Variants in USO1 observed in about 807,000 individuals in gnomAD.
USO1 encodes USO1 vesicle transport factor.
Under a neutral mutation model 124.5 loss-of-function variants are expected in USO1, and 57 were observed. The ratio of observed to expected loss-of-function variants is 0.46; its 90% CI spans 0.37 to 0.57. USO1 has a LOEUF of 0.57. Ranked by LOEUF, USO1 falls within the 20% of genes least tolerant of loss-of-function variation. The probability of loss-of-function intolerance (pLI) is 0.00; values close to 1 mark genes in which losing one functional copy is unlikely to be tolerated. For missense variants in USO1, 900 were observed against 1,040.6 expected, an observed-to-expected ratio of 0.86 and a Z score of 1.86; for synonymous variants, 369 against 362.8, an observed-to-expected ratio of 1.02 and a Z score of -0.19.
chr4:75,780,639 A>ATTT (rs1722193984), intron 8 of USO1, among the ~76,000 whole-genome samples: 1 of 69,462 alleles, frequency 1.4e-5, no homozygotes, highest in Non-Finnish European at 2.9e-5. Flanking sequence ...ATAAATTTTG[A>ATTT]CTTTTTTTTT....
At chr4:75,795,283 GAC>G in intron 13 of USO1, 1 of 698,140 alleles carries the variant, frequency 1.4e-6, no homozygotes, top group Non-Finnish European at 2.6e-6. Flanking sequence ...TCCAGATTTA[GAC>G]TTTTCTAAAG....
intron 20 of USO1, among the ~76,000 whole-genome samples, chr4:75,808,605 G>A (rs775653355): frequency 6.6e-6 from 1 of 151,860 alleles, no homozygotes; most frequent in Admixed American, 6.6e-5. Context: ...AGTTATCACT[G>A]TTACTTGCTT....
At chr4:75,745,385 T>C (rs1269613506) in intron 1 of USO1, 1 of 516,252 alleles carries the variant, frequency 1.9e-6, no homozygotes, top group Admixed American at 2.0e-5. Context: ...TCACAGGGAC[T>C]GTATTACTAT....
Position 75,765,219 on chromosome 4 carries a change from T to C in USO1, c.296-5220T>C, listed in dbSNP as rs1293812056. ...GAGACAATTCTGAGAGAATATTACTTGTCTTTTGAACATAGATTTCTCATG... is the reference window on the plus strand; with the variant it reads ...GAGACAATTCTGAGAGAATATTACTCGTCTTTTGAACATAGATTTCTCATG... On this transcript the variant is annotated intron_variant, in intron 4 of 23. Transcript: ENST00000514213. Among the ~76,000 whole-genome samples the C allele has an allele frequency of 2.6e-5, 4 of 152,350 alleles. No individual in the cohort carries two copies. In the East Asian group the frequency reaches 7.7e-4, roughly 29 times the overall value.
chr4:75,755,533 G>A (rs1721415881), intron 3 of USO1: 1 of 514,370 alleles, frequency 1.9e-6, no homozygotes, highest in South Asian at 1.4e-5. Context: ...TAATCTCGTA[G>A]ACTCGTTTTC....
chr4:75,802,744 T>TTTTTTTTTTTTTTTTTTG, intron 17 of USO1, among the ~76,000 whole-genome samples: 1 of 137,582 alleles, frequency 7.3e-6, no homozygotes, highest in Non-Finnish European at 1.6e-5. Flanking sequence ...TTCTTTTTTT[T>TTTTTTTTTTTTTTTTTTG]TTTTTTTTTT....
chr4:75,731,883 G>A (rs1720642956), intron 1 of USO1, among the ~76,000 whole-genome samples: 1 of 152,018 alleles, frequency 6.6e-6, no homozygotes, highest in South Asian at 2.1e-4. Context: ...AAAAAATACT[G>A]CAAGCTGTAT....
chr4:75,749,323 C>A (rs534473760), intron 1 of USO1, among the ~76,000 whole-genome samples: 1 of 151,530 alleles, frequency 6.6e-6, no homozygotes, highest in African/African-American at 2.4e-5. Flanking sequence ...AATTCAGATA[C>A]GTAGGGTGCA....
chr4:75,754,826 T>C (rs1721392127), intron 3 of USO1, among the ~76,000 whole-genome samples: 1 of 152,244 alleles, frequency 6.6e-6, no homozygotes, highest in African/African-American at 2.4e-5. Context: ...GTGTTTGTTA[T>C]CTTTGGCCGT....
At chr4:75,783,710 T>C (rs571164025) in intron 9 of USO1, among the ~76,000 whole-genome samples, 12 of 152,126 alleles carry the variant, frequency 7.9e-5, no homozygotes, top group Non-Finnish European at 1.8e-4. Flanking sequence ...GACTGATAAT[T>C]AGGGTAATCT....
intron 3 of USO1, among the ~76,000 whole-genome samples, chr4:75,754,689 C>G (rs1721388669): frequency 6.6e-6 from 1 of 152,170 alleles, no homozygotes; most frequent in African/African-American, 2.4e-5. Flanking sequence ...GGAACTCATT[C>G]CTCTCCTGAA....
Position 75,774,764 on chromosome 4 carries a change from A to C in USO1, c.644A>C (p.Asp215Ala). The C allele has an allele frequency of 6.2e-7, 1 of 1,613,742 alleles. No individual in the cohort carries two copies. Among genetic ancestry groups the C allele is most frequent in the Non-Finnish European group, 8.5e-7 (1 of 1,179,726 alleles). Residue 215 changes from aspartate to alanine, a missense_variant, in exon 8 of 24, where the codon GAC becomes GCC. By Grantham distance (126) the Asp-to-Ala change is moderately radical. Transcript: ENST00000514213. The part of the protein sequence containing the change: ...AFENAFERLL[D>A]IISEEGNSDG... ...GAAAATGCTTTCGAGAGACTACTGG[A>C]CATTATTTCAGAGGAGGGGAACAGT...
intron 13 of USO1, among the ~76,000 whole-genome samples, chr4:75,794,712 C>T (rs977217447): frequency 6.6e-6 from 1 of 152,078 alleles, no homozygotes; most frequent in Non-Finnish European, 1.5e-5. Flanking sequence ...TGGTTGTGTC[C>T]TTCTTTAGTT....
intron 4 of USO1, among the ~76,000 whole-genome samples, chr4:75,767,958 C>A (rs1228874172): frequency 6.6e-6 from 1 of 152,068 alleles, no homozygotes; most frequent in Non-Finnish European, 1.5e-5. Context: ...AAATATTGTA[C>A]CTTCTAATAC....
intron 7 of USO1, among the ~76,000 whole-genome samples, chr4:75,772,560 A>G (rs1490914825): frequency 1.3e-5 from 2 of 152,138 alleles, no homozygotes; most frequent in South Asian, 4.1e-4. Context: ...TTTATTCTTT[A>G]ATATTTAAGT....
intron 4 of USO1, 126 bp from the exon 5 acceptor site, chr4:75,770,313 A>C: frequency 1.3e-6 from 1 of 786,038 alleles, no homozygotes; most frequent in Non-Finnish European, 1.9e-6. Flanking sequence ...TATTGCTACC[A>C]GCCACACTGT....
intron 22 of USO1, among the ~76,000 whole-genome samples, chr4:75,811,826 T>G (rs904885859): frequency 2.0e-5 from 3 of 152,232 alleles, no homozygotes; most frequent in African/African-American, 7.2e-5. Flanking sequence ...CTAATCAGAC[T>G]TCTTCTGTAA....
At chr4:75,756,201 C>T (rs960429750) in intron 3 of USO1, among the ~76,000 whole-genome samples, 17 of 147,230 alleles carry the variant, frequency 1.2e-4, no homozygotes, top group Admixed American at 6.8e-4. Context: ...AGAACAGGAA[C>T]GCAGAAGAGG....
At chr4:75,807,242 A>G (rs895908177) in intron 20 of USO1, among the ~76,000 whole-genome samples, 1 of 152,176 alleles carries the variant, frequency 6.6e-6, no homozygotes, top group African/African-American at 2.4e-5. Flanking sequence ...TAATGTAGCA[A>G]TTGGAAGAAA....
Sources: gnomAD v4.1 joint callset for allele counts (sites outside exome capture counted in the v4.1 genomes callset) on GRCh38, gnomAD v4.1.1 for gene constraint, MANE v1.5 for transcripts, NCBI Gene and HGNC (gene_info 2026-07-23, HGNC 2026-07-21) for gene names.